TPD52: variants seen among roughly 807,000 people sequenced by gnomAD.
TPD52 encodes the protein tumor protein D52, also known as prostate and colon associated protein.
Under a neutral mutation model 31.3 loss-of-function variants are expected in TPD52, and 17 were observed. That is an observed-to-expected ratio of 0.54 (90% CI 0.37 to 0.82). The LOEUF is 0.82. Ranked by LOEUF, TPD52 falls within the 40% of genes least tolerant of loss-of-function variation. The pLI, the probability that TPD52 is intolerant of heterozygous loss-of-function variation, is 0.00. For missense variants in TPD52, 212 were observed against 240.1 expected (o/e 0.88, Z 0.77); for synonymous variants, 83 against 89.6 (o/e 0.93, Z 0.42).
At chr8:80,117,700 A>G (rs1238418073) in intron 1 of TPD52, among the ~76,000 whole-genome samples, 1 of 151,076 alleles carries the variant, frequency 6.6e-6, no homozygotes, top group East Asian at 1.9e-4. Context: ...AGAGAGAACA[A>G]CTTAGAGGAC....
chr8:80,056,608 C>T (rs1306305344), intron 2 of TPD52, among the ~76,000 whole-genome samples: 1 of 152,092 alleles, frequency 6.6e-6, no homozygotes, highest in Non-Finnish European at 1.5e-5. Flanking sequence ...AGATGCTTAA[C>T]ACCATTCATT....
At position 80,154,733 on chromosome 8, in the gene TPD52, ACACACACACACACACACAC is replaced by A. The variant is rs1563666291; in HGVS notation, c.19+16673_19+16691del. ...CACACACACACACACACACACACACACACACACACACACACACACAAAACACCTACATTAGCTTTGAAGT... is the reference window on the plus strand; with the variant it reads ...CACACACACACACACACACACACACAAAAACACCTACATTAGCTTTGAAGT... On this transcript the variant is annotated intron_variant, in intron 1 of 7. Transcript: ENST00000518937. Among the ~76,000 whole-genome samples, 1,397 of 149,798 alleles carry A rather than the reference ACACACACACACACACACAC, an allele frequency of 9.3e-3. 31 individuals are homozygous for A. Among genetic ancestry groups the A allele is most frequent in the African/African-American group, 0.031 (1,285 of 40,940 alleles).
At chr8:80,151,188 A>G (rs188612020) in intron 1 of TPD52, among the ~76,000 whole-genome samples, 5 of 152,300 alleles carry the variant, frequency 3.3e-5, no homozygotes, top group African/African-American at 4.8e-5. Flanking sequence ...GTCACCATGT[A>G]AGACATGACT....
At chr8:80,074,762 G>A (rs1057443953) in intron 1 of TPD52, among the ~76,000 whole-genome samples, 4 of 152,182 alleles carry the variant, frequency 2.6e-5, no homozygotes, top group African/African-American at 9.7e-5. Flanking sequence ...AGAAGAGAGG[G>A]ATGCAGCAGC....
intron 1 of TPD52, among the ~76,000 whole-genome samples, chr8:80,170,131 C>T (rs1811981758): frequency 6.6e-6 from 1 of 152,078 alleles, no homozygotes; most frequent in Non-Finnish European, 1.5e-5. Flanking sequence ...AAGTAAAGTA[C>T]AGGCCTGGCC....
intron 2 of TPD52, among the ~76,000 whole-genome samples, chr8:80,059,387 G>C (rs1391912689): frequency 6.6e-6 from 1 of 151,832 alleles, no homozygotes; most frequent in African/African-American, 2.4e-5. Context: ...TAAGGAATTA[G>C]AGAAAAATTT....
At chr8:80,124,890 C>T (rs1044578162) in intron 1 of TPD52, among the ~76,000 whole-genome samples, 1 of 152,126 alleles carries the variant, frequency 6.6e-6, no homozygotes, top group African/African-American at 2.4e-5. Context: ...CAGAGAGTTC[C>T]CATATAGCCC....
In TPD52 at chr8:80,067,956, A is replaced by G. The variant is rs1264392125; in HGVS notation, c.20-3363T>C. 4.6e-5 allele frequency among the ~76,000 whole-genome samples: 7 copies of G among 152,158 alleles called. No homozygotes were observed. The East Asian group carries it at 1.3e-3, about 29-fold the overall frequency. ...TAGAGTCTGGCTTTTGGGAGAAAAG[A>G]TTAATTTCTCATTCACAACATGAAA... is the stretch of plus-strand genomic sequence containing the variant. On this transcript the variant is annotated intron_variant, in intron 1 of 7. Transcript: ENST00000518937.
At chr8:80,119,440 T>TA (rs1563640028) in intron 1 of TPD52, among the ~76,000 whole-genome samples, 1 of 152,208 alleles carries the variant, frequency 6.6e-6, no homozygotes, top group Non-Finnish European at 1.5e-5. Context: ...GTTATTTTTT[T>TA]AAAAAGCAAA....
chr8:80,125,412 T>C (rs950973346), intron 1 of TPD52, among the ~76,000 whole-genome samples: 1 of 152,050 alleles, frequency 6.6e-6, no homozygotes, highest in African/African-American at 2.4e-5. Flanking sequence ...AGAGACACTG[T>C]CCCATTAAAA....
intron 1 of TPD52, among the ~76,000 whole-genome samples, chr8:80,079,267 C>T (rs935025791): frequency 6.6e-6 from 1 of 152,152 alleles, no homozygotes; most frequent in African/African-American, 2.4e-5. Flanking sequence ...ATCAGAATCC[C>T]CCAGCAGACA....
chr8:80,072,722 C>G (rs904021219), intron 1 of TPD52, among the ~76,000 whole-genome samples: 4 of 149,272 alleles, frequency 2.7e-5, no homozygotes, highest in Non-Finnish European at 4.4e-5. Context: ...TATACGCACA[C>G]ATATATACAT....
intron 1 of TPD52, chr8:80,159,011 T>C (rs1448217789): frequency 6.6e-6 from 1 of 151,062 alleles, no homozygotes; most frequent in Non-Finnish European, 1.5e-5. Flanking sequence ...CGAAAATGTG[T>C]TTATGAAGTA....
intron 1 of TPD52, among the ~76,000 whole-genome samples, chr8:80,072,796 C>CATATATATATATATATAT (rs1465964502): frequency 1.4e-5 from 2 of 142,206 alleles, no homozygotes; most frequent in African/African-American, 6.0e-5. Context: ...CACACACACA[C>CATATATATATATATATAT]ACATATATAT....
At chr8:80,078,041 A>G (rs1343860741) in intron 1 of TPD52, among the ~76,000 whole-genome samples, 2 of 152,204 alleles carry the variant, frequency 1.3e-5, no homozygotes. Flanking sequence ...AGATTCTTAT[A>G]TTTGTGAGGA....
At chr8:80,151,877 T>C (rs934009110) in intron 1 of TPD52, among the ~76,000 whole-genome samples, 4 of 152,188 alleles carry the variant, frequency 2.6e-5, no homozygotes, top group African/African-American at 9.7e-5. Flanking sequence ...GTGTAAGATA[T>C]ATTACAAGGT....
intron 1 of TPD52, among the ~76,000 whole-genome samples, chr8:80,070,947 A>C (rs1159209055): frequency 6.6e-6 from 1 of 152,212 alleles, no homozygotes; most frequent in African/African-American, 2.4e-5. Flanking sequence ...CCAATGGTTC[A>C]TGTCCTTATA....
intron 1 of TPD52, chr8:80,080,171 T>C: frequency 1.5e-6 from 1 of 649,796 alleles, no homozygotes; most frequent in Non-Finnish European, 2.6e-6. Flanking sequence ...CTCTGTACTT[T>C]GAATCTAGAA....
At chr8:80,099,604 A>G (rs1055949499) in intron 1 of TPD52, among the ~76,000 whole-genome samples, 3 of 147,990 alleles carry the variant, frequency 2.0e-5, no homozygotes, top group Non-Finnish European at 4.4e-5. Flanking sequence ...TCCGCCTCCC[A>G]GGTTCAAGTG....
Sources: allele counts gnomAD v4.1 joint callset (sites outside exome capture counted in the v4.1 genomes callset), GRCh38; gene constraint gnomAD v4.1.1; transcripts MANE v1.5; gene names NCBI Gene and HGNC (gene_info 2026-07-23, HGNC 2026-07-21).